Variants in NRP1 observed in about 807,000 individuals in gnomAD.
NRP1 encodes neuropilin-1.
A neutral mutation model predicts 106.7 loss-of-function variants in NRP1; 35 were observed. That is an observed-to-expected ratio of 0.33 (90% CI 0.25 to 0.43). NRP1 has a LOEUF of 0.43. Ranked by LOEUF, NRP1 falls within the 20% of genes least tolerant of loss-of-function variation. The pLI is 1.00. For missense variants in NRP1, 1,024 were observed against 1,170.4 expected, an observed-to-expected ratio of 0.87 and a Z score of 1.83; for synonymous variants, 437 against 417.9, an observed-to-expected ratio of 1.05 and a Z score of -0.56.
chr10:33,300,826 G>A (rs532941286), intron 2 of NRP1, among the ~76,000 whole-genome samples: 1 of 152,196 alleles, frequency 6.6e-6, no homozygotes, highest in East Asian at 1.9e-4. Flanking sequence ...TTTCCAGACT[G>A]AACCAATGTT....
Position 33,270,710 on chromosome 10 carries a change from G to T in NRP1, c.395C>A (p.Ala132Glu), listed in dbSNP as rs1461436045. 7 of 1,613,658 alleles carry T rather than the reference G, an allele frequency of 4.3e-6. No individual in the cohort carries two copies. The South Asian group carries it at 7.7e-5, about 18-fold the overall frequency. The change falls in exon 3 of 17, where the codon GCA (alanine) becomes GAA (glutamate). Residue 132 changes from alanine (A) to glutamate (E), a missense_variant. Physicochemically the swap from Ala to Glu is moderately radical, Grantham distance 107. Coordinates refer to ENST00000374867, the MANE Select transcript of NRP1 (RefSeq NM_003873.7). ...KFVSDYETHGAGFSIRYEIFK... is the reference protein window; with the variant it reads ...KFVSDYETHGEGFSIRYEIFK... ...AATTTCATAACGTATGGAAAATCCT[G>T]CACCATGTGTTTCGTAGTCAGAGAC...
At position 33,258,234 on chromosome 10, in the gene NRP1, T is replaced by A. The variant is rs187495003; in HGVS notation, c.659-1763A>T. Among the ~76,000 whole-genome samples the A allele has an allele frequency of 2.3e-3, 350 of 152,316 alleles. 3 individuals carry two copies. The highest frequency in any genetic ancestry group is 7.8e-3 in the African/African-American group (325 of 41,556). ...CGACAGGTTTTCAGCTCTTGGCCAA[T>A]TCTCTTTAAAAAAGAAAAAAGAAAA... On this transcript the variant is annotated intron_variant, in intron 4 of 16. Transcript: ENST00000374867.
intron 4 of NRP1, among the ~76,000 whole-genome samples, chr10:33,263,356 A>G (rs1842699555): frequency 6.6e-6 from 1 of 152,190 alleles, no homozygotes; most frequent in South Asian, 2.1e-4. Context: ...AGAGAGAAAA[A>G]CTATGTGTTT....
chr10:33,251,949 C>T (rs1003726390), intron 6 of NRP1, among the ~76,000 whole-genome samples: 1 of 152,078 alleles, frequency 6.6e-6, no homozygotes, highest in Non-Finnish European at 1.5e-5. Flanking sequence ...GGGCTCCACC[C>T]CCACGGACCA....
At chr10:33,311,951 T>A (rs1846634635) in intron 2 of NRP1, among the ~76,000 whole-genome samples, 1 of 152,208 alleles carries the variant, frequency 6.6e-6, no homozygotes, top group South Asian at 2.1e-4. Context: ...AATCCTTTTT[T>A]TCTCATAACA....
chr10:33,224,921 T>C (rs1588770129), intron 7 of NRP1, among the ~76,000 whole-genome samples: 1 of 152,206 alleles, frequency 6.6e-6, no homozygotes, highest in Non-Finnish European at 1.5e-5. Context: ...GGCTGGTAGG[T>C]GCCTCATTAG....
intron 2 of NRP1, among the ~76,000 whole-genome samples, chr10:33,301,171 C>T (rs945564595): frequency 2.0e-5 from 3 of 152,140 alleles, no homozygotes; most frequent in African/African-American, 7.2e-5. Context: ...GTTATGCCTG[C>T]AGTCCAGAGG....
intron 6 of NRP1, among the ~76,000 whole-genome samples, chr10:33,237,487 GCACACACACA>G (rs111698441): frequency 3.5e-5 from 5 of 144,758 alleles, no homozygotes; most frequent in Admixed American, 1.4e-4. Flanking sequence ...ACATGCGCGC[GCACACACACA>G]CACACACACA....
At chr10:33,309,696 TG>T (rs1168868292) in intron 2 of NRP1, among the ~76,000 whole-genome samples, 1 of 152,240 alleles carries the variant, frequency 6.6e-6, no homozygotes, top group African/African-American at 2.4e-5. Context: ...CCATTGTCCT[TG>T]GAACACCCTC....
At chr10:33,309,082 A>AT (rs1846381766) in intron 2 of NRP1, among the ~76,000 whole-genome samples, 2 of 152,194 alleles carry the variant, frequency 1.3e-5, no homozygotes, top group African/African-American at 4.8e-5. Flanking sequence ...CTAAAATATT[A>AT]TTTTTATGAA....
chr10:33,319,881 C>T (rs1046575135), intron 2 of NRP1, among the ~76,000 whole-genome samples: 1 of 151,846 alleles, frequency 6.6e-6, no homozygotes, highest in Non-Finnish European at 1.5e-5. Context: ...CCACCGCGCC[C>T]GGCCTGGGTC....
intron 2 of NRP1, among the ~76,000 whole-genome samples, chr10:33,272,203 T>TA (rs1843356030): frequency 6.6e-6 from 1 of 152,202 alleles, no homozygotes; most frequent in Non-Finnish European, 1.5e-5. Context: ...GTGGACAGCT[T>TA]AAGGCTCTCT....
At chr10:33,232,669 A>G (rs1306894792) in intron 6 of NRP1, among the ~76,000 whole-genome samples, 1 of 118,332 alleles carries the variant, frequency 8.5e-6, no homozygotes. Context: ...TTTGAGACAG[A>G]GTCTCAGTCT....
At chr10:33,268,388 A>G (rs557311539) in intron 3 of NRP1, among the ~76,000 whole-genome samples, 4 of 152,168 alleles carry the variant, frequency 2.6e-5, no homozygotes, top group Non-Finnish European at 5.9e-5. Context: ...AGAAGCTGAG[A>G]GTCTTTGAGA....
intron 2 of NRP1, among the ~76,000 whole-genome samples, chr10:33,272,427 G>C (rs1204355909): frequency 6.6e-6 from 1 of 152,058 alleles, no homozygotes; most frequent in Non-Finnish European, 1.5e-5. Flanking sequence ...AATACACAGA[G>C]GTATTGTTCA....
intron 2 of NRP1, 60 bp from the exon 3 acceptor site, chr10:33,270,916 T>C: frequency 7.1e-7 from 1 of 1,399,842 alleles, no homozygotes; most frequent in South Asian, 1.4e-5. Context: ...TTAATTTCAA[T>C]AATTTAGACA....
At chr10:33,262,087 T>G (rs1031990051) in intron 4 of NRP1, among the ~76,000 whole-genome samples, 21 of 152,220 alleles carry the variant, frequency 1.4e-4, no homozygotes, top group Admixed American at 1.3e-3. Flanking sequence ...CTTTTGAGAA[T>G]AGTATCTGAC....
chr10:33,260,719 C>A (rs1218723747), intron 4 of NRP1, among the ~76,000 whole-genome samples: 1 of 152,180 alleles, frequency 6.6e-6, no homozygotes, highest in Non-Finnish European at 1.5e-5. Context: ...GTGTGATTCA[C>A]AACACGCATG....
intron 11 of NRP1, among the ~76,000 whole-genome samples, chr10:33,199,028 C>A (rs995971101): frequency 1.3e-5 from 2 of 152,092 alleles, no homozygotes; most frequent in Non-Finnish European, 2.9e-5. Flanking sequence ...TCTCTTCCAC[C>A]TCTTTACTCA....
Sources: allele counts gnomAD v4.1 joint callset (sites outside exome capture counted in the v4.1 genomes callset), GRCh38; gene constraint gnomAD v4.1.1; transcripts MANE v1.5; gene names NCBI Gene and HGNC (gene_info 2026-07-23, HGNC 2026-07-21).